The following NCAM2 variants were observed in gnomAD, a reference collection of about 807,000 sequenced individuals.
NCAM2 encodes neural cell adhesion molecule 2.
A neutral mutation model predicts 98.1 loss-of-function variants in NCAM2; 30 were observed. The ratio of observed to expected loss-of-function variants is 0.31; its 90% CI spans 0.23 to 0.41. NCAM2 has a LOEUF of 0.41. Among genes scored for constraint, NCAM2 ranks in the 10% least tolerant of loss-of-function variants. The pLI, the probability that NCAM2 is intolerant of heterozygous loss-of-function variation, is 1.00. For synonymous variants in NCAM2, 368 were observed against 342.4 expected (o/e 1.07, Z -0.83); for missense variants, 867 against 1,005.8 (o/e 0.86, Z 1.87).
chr21:21,295,799 A>AC (rs2073455758), intron 5 of NCAM2, among the ~76,000 whole-genome samples: 2 of 151,038 alleles, frequency 1.3e-5, no homozygotes, highest in South Asian at 2.1e-4. Context: ...CACACACACA[A>AC]AAACAGACAA....
intron 12 of NCAM2, among the ~76,000 whole-genome samples, chr21:21,435,949 G>A (rs779643882): frequency 6.6e-6 from 1 of 152,144 alleles, no homozygotes; most frequent in Non-Finnish European, 1.5e-5. Flanking sequence ...CAATATAAAT[G>A]CAATGAGTAC....
chr21:21,188,353 A>G lies in NCAM2; in HGVS notation c.56-92225A>G, dbSNP rs560932560. Among the ~76,000 whole-genome samples the G allele has an allele frequency of 2.6e-4, 39 of 152,288 alleles. 1 individual carries two copies. The South Asian group carries it at 8.1e-3, about 32-fold the overall frequency. On this transcript the variant is annotated intron_variant, in intron 1 of 17. Transcript: ENST00000400546. Reference sequence around the variant, plus strand: ...TGGAAGTGAGAACAAATTTGGAGGTATTGTTTTTCATGTTTGATGATGGTG... The same window carrying G: ...TGGAAGTGAGAACAAATTTGGAGGTGTTGTTTTTCATGTTTGATGATGGTG...
At chr21:21,118,850 C>T (rs2066615762) in intron 1 of NCAM2, among the ~76,000 whole-genome samples, 2 of 152,048 alleles carry the variant, frequency 1.3e-5, no homozygotes, top group South Asian at 4.1e-4. Flanking sequence ...AGATAAACCT[C>T]CCTCTCCCCA....
intron 5 of NCAM2, among the ~76,000 whole-genome samples, chr21:21,292,455 C>A (rs1430670313): frequency 6.6e-6 from 1 of 151,778 alleles, no homozygotes; most frequent in Non-Finnish European, 1.5e-5. Flanking sequence ...ATTCTCATAA[C>A]CCTTTTCAAA....
At chr21:21,412,981 G>C (rs1052489265) in intron 10 of NCAM2, among the ~76,000 whole-genome samples, 1 of 152,038 alleles carries the variant, frequency 6.6e-6, no homozygotes, top group Admixed American at 6.6e-5. Context: ...CAAGTTGTCA[G>C]TAATAAATTT....
intron 1 of NCAM2, among the ~76,000 whole-genome samples, chr21:21,153,312 A>G (rs1490337980): frequency 4.0e-5 from 6 of 150,632 alleles, no homozygotes; most frequent in African/African-American, 1.5e-4. Flanking sequence ...TTTTTCATGA[A>G]GCTCCCTGGA....
At chr21:21,481,557 T>C (rs549099783) in intron 15 of NCAM2, among the ~76,000 whole-genome samples, 1 of 152,258 alleles carries the variant, frequency 6.6e-6, no homozygotes, top group South Asian at 2.1e-4. Flanking sequence ...ATTTATTTAA[T>C]GCTTTCAGGA....
chr21:21,492,181 T>C (rs1364200982), intron 15 of NCAM2, among the ~76,000 whole-genome samples: 1 of 151,840 alleles, frequency 6.6e-6, no homozygotes, highest in African/African-American at 2.4e-5. Context: ...CAAATAGTCA[T>C]TGATATAGTC....
Position 21,147,052 on chromosome 21 carries a change from G to A in NCAM2, c.56-133526G>A. The A allele has an allele frequency of 1.7e-5, 6 of 357,836 alleles. 1 individual carries two copies. The South Asian group carries it at 5.3e-4, about 32-fold the overall frequency. The allele number at this position is 357,836 out of a possible 1,614,324, so 22.2% of individuals were successfully genotyped here. A position where few individuals can be genotyped will look rare whatever the true frequency, so the allele number is the denominator to read the frequency against. On this transcript the variant is annotated intron_variant, in intron 1 of 17. Transcript: ENST00000400546. The stretch of plus-strand genomic sequence containing the variant: ...CCCTGTCCCACTCCGGAACTCATAC[G>A]GCTGCCTTCTACTCCGGAACTGATA...
At chr21:21,222,112 G>A (rs1267613564) in intron 1 of NCAM2, among the ~76,000 whole-genome samples, 1 of 152,248 alleles carries the variant, frequency 6.6e-6, no homozygotes, top group East Asian at 1.9e-4. Flanking sequence ...ATGATGTACT[G>A]AATATTTTAA....
chr21:21,226,064 C>A, intron 1 of NCAM2, among the ~76,000 whole-genome samples: 1 of 151,900 alleles, frequency 6.6e-6, no homozygotes, highest in East Asian at 1.9e-4. Flanking sequence ...AAACAGAAAA[C>A]CAAATGCTGC....
intron 1 of NCAM2, among the ~76,000 whole-genome samples, chr21:21,003,962 CT>C (rs988990704): frequency 2.6e-5 from 4 of 151,854 alleles, no homozygotes; most frequent in Admixed American, 6.6e-5. Context: ...GAATGATGCG[CT>C]TTTTTTTGTA....
At chr21:21,139,895 G>A (rs1416397303) in intron 1 of NCAM2, among the ~76,000 whole-genome samples, 3 of 151,918 alleles carry the variant, frequency 2.0e-5, no homozygotes, top group Non-Finnish European at 4.4e-5. Flanking sequence ...ATATTCACAA[G>A]TTCACGTCTT....
intron 1 of NCAM2, among the ~76,000 whole-genome samples, chr21:21,016,808 C>T (rs535448461): frequency 3.3e-5 from 5 of 152,208 alleles, no homozygotes; most frequent in South Asian, 4.1e-4. Flanking sequence ...CCGCAGGTCA[C>T]GTAGCTATGA....
At chr21:21,244,843 C>CT (rs1205590180) in intron 1 of NCAM2, among the ~76,000 whole-genome samples, 1 of 17,104 alleles carries the variant, frequency 5.8e-5, no homozygotes, top group Non-Finnish European at 1.1e-4. Context: ...GAGACTCTGT[C>CT]TAAAAAAAAA....
rs2017705 is a variant in NCAM2 at position 21,508,930 on chromosome 21, A to G, written c.2157A>G (p.Thr719=). 153,152 of 1,610,422 alleles carry G rather than the reference A, an allele frequency of 0.095. 10,829 individuals carry two copies. Among genetic ancestry groups the G allele is most frequent in the African/African-American group, 0.29 (21,391 of 73,970 alleles). Residue 719 remains threonine (T), a synonymous_variant, in exon 16 of 18, where the codon ACA becomes ACG. Coordinates refer to ENST00000400546, the MANE Select transcript of NCAM2 (RefSeq NM_004540.5). The stretch of plus-strand genomic sequence containing the variant: ...CACTGCTGCTAATTCTTGTGGTAAC[A>G]GACGTCAGCTGCTTCTTTATTCGGC... ...VAALLLILVV[T]DVSCFFIRQC... is the part of the protein sequence containing the mutation.
rs113700044 is a variant in NCAM2, at chr21:21,007,328, C to T, written c.55+8710C>T. 9.9e-3 allele frequency among the ~76,000 whole-genome samples: 1,502 copies of T among 152,158 alleles called. 23 individuals are homozygous for T. Among genetic ancestry groups the T allele is most frequent in the African/African-American group, 0.034 (1,405 of 41,504 alleles). ...CTGTTACCAGAAAGGGGTCCCAGTC[C>T]AGAACCTGAGAGAGGATTCTTGGAT... On this transcript the variant is annotated intron_variant, in intron 1 of 17. Transcript: ENST00000400546.
chr21:21,266,065 G>A (rs1170170761), intron 1 of NCAM2, among the ~76,000 whole-genome samples: 2 of 151,968 alleles, frequency 1.3e-5, no homozygotes, highest in Admixed American at 6.6e-5. Flanking sequence ...CCTTTCTTTA[G>A]AATCAATCAA....
chr21:21,481,356 A>C (rs1174520036), intron 15 of NCAM2, among the ~76,000 whole-genome samples: 2 of 152,190 alleles, frequency 1.3e-5, no homozygotes, highest in African/African-American at 4.8e-5. Flanking sequence ...AGTATCTTGG[A>C]AGTTAACAAA....
Sources: gnomAD v4.1 joint callset for allele counts (sites outside exome capture counted in the v4.1 genomes callset) on GRCh38, gnomAD v4.1.1 for gene constraint, MANE v1.5 for transcripts, NCBI Gene and HGNC (gene_info 2026-07-23, HGNC 2026-07-21) for gene names.